PPP1R3F: variants seen among roughly 807,000 people sequenced by gnomAD.
The protein encoded by PPP1R3F is protein phosphatase 1 regulatory subunit 3F, also known as protein phosphatase 1, regulatory (inhibitor) subunit 3F.
PPP1R3F carries 29 observed loss-of-function variants against 24.2 expected under a neutral mutation model. The ratio of observed to expected loss-of-function variants is 1.20; its 90% CI spans 0.89 to 1.63. The LOEUF is 1.63. Among genes scored for constraint, PPP1R3F ranks in the 40% most tolerant of loss-of-function variants. The pLI, the probability that PPP1R3F is intolerant of heterozygous loss-of-function variation, is 0.00. For synonymous variants in PPP1R3F, 363 were observed against 340.1 expected (o/e 1.07, Z -0.74); for missense variants, 823 against 729.3 (o/e 1.13, Z -1.48).
chrX:49,281,914 T>A, intron 2 of PPP1R3F, 67 bp from the exon 3 acceptor site: 2 of 880,143 alleles, frequency 2.3e-6, no homozygotes, highest in Non-Finnish European at 3.3e-6. Flanking sequence ...GATGGCAGAT[T>A]TTCTTAACAA....
intron 3 of PPP1R3F, among the ~76,000 whole-genome samples, chrX:49,282,627 G>T (rs782399131): frequency 4.1e-4 from 45 of 109,165 alleles, no homozygotes; most frequent in Non-Finnish European, 7.0e-4. Flanking sequence ...AACATCCCAG[G>T]CGAGTGTGAA....
In PPP1R3F at chrX:49,281,406, G is replaced by T. The variant is rs1450736476; in HGVS notation, c.1005G>T (p.Arg335Ser). 3.3e-6 allele frequency: 4 copies of T among 1,204,574 alleles called. No homozygotes were observed. The highest frequency in any genetic ancestry group is 1.7e-5 in the African/African-American group (1 of 57,730). ...ATGTACTCTCTCCTCTGCCCTGCAG[G>T]CCTGCCGAGGAGGAACTGAAGACGA... ...LKSCMKPVRR[R>S]PAEEELKTKN... is the part of the protein sequence containing the mutation. The change falls in exon 2 of 4, where the codon AGG becomes AGT. Residue 335 changes from arginine to serine, a missense_variant and splice_region_variant. By Grantham distance (110) the Arg-to-Ser change is moderately radical (BLOSUM62 -1). Coordinates refer to ENST00000055335, the MANE Select transcript of PPP1R3F (RefSeq NM_033215.5).
At chrX:49,293,474 C>T (rs2066314646) in intron 3 of PPP1R3F, among the ~76,000 whole-genome samples, 1 of 111,409 alleles carries the variant, frequency 9.0e-6, no homozygotes, top group Non-Finnish European at 1.9e-5. Context: ...TGGAAACAAC[C>T]CAATTATACA....
intron 1 of PPP1R3F, among the ~76,000 whole-genome samples, chrX:49,277,172 G>A (rs1026096739): frequency 8.9e-6 from 1 of 112,914 alleles, no homozygotes; most frequent in Non-Finnish European, 1.9e-5. Context: ...TGTGACTGGC[G>A]AATCACCTTT....
rs2066160381 is a variant in PPP1R3F at position 49,269,949 on chromosome X, C to T, written c.80C>T (p.Ser27Leu). Residue 27 changes from serine (S) to leucine (L), a missense_variant, in exon 1 of 4, where the codon TCG becomes TTG. Physicochemically the swap from Ser to Leu is moderately radical, Grantham distance 145. Coordinates refer to ENST00000055335, the MANE Select transcript of PPP1R3F (RefSeq NM_033215.5). ...PSPAAGEPRT[S>L]VEAAVAPRRV... ...CCGGCCGCGGGTGAGCCCCGCACCT[C>T]GGTCGAGGCGGCGGTGGCCCCGCGG... is the stretch of plus-strand genomic sequence containing the variant. 1 of 906,043 alleles carries T rather than the reference C, an allele frequency of 1.1e-6. No individual in the cohort carries two copies. The allele number at this position is 906,043 out of a possible 1,213,427, so 74.7% of individuals were successfully genotyped here.
downstream of PPP1R3F, among the ~76,000 whole-genome samples, chrX:49,289,299 T>C (rs1557122116): frequency 9.0e-6 from 1 of 111,654 alleles, no homozygotes; most frequent in Non-Finnish European, 1.9e-5. Context: ...GTGAAAACCT[T>C]ATGTAGTAGG....
chrX:49,276,896 C>T (rs782178998), intron 1 of PPP1R3F, among the ~76,000 whole-genome samples: 3 of 112,245 alleles, frequency 2.7e-5, no homozygotes, highest in South Asian at 3.7e-4. Flanking sequence ...TTCTGAGTAT[C>T]GTGGGGCAGG....
At position 49,282,339 on chromosome X, in the gene PPP1R3F, G is replaced by T. The variant is rs1307756491; in HGVS notation, c.1143+276G>T. Among the ~76,000 whole-genome samples the T allele has an allele frequency of 2.7e-5, 3 of 111,618 alleles. No individual in the cohort carries two copies. The Admixed American group carries it at 2.9e-4, about 11-fold the overall frequency. ...AAAAACGCTCTTTGAGGGGGCTTAT[G>T]TGTTAGTAGGGTGAGACATGATAAA... is the stretch of plus-strand genomic sequence containing the variant. On this transcript the variant is annotated intron_variant, in intron 3 of 3. Coordinates refer to ENST00000055335, the MANE Select transcript of PPP1R3F (RefSeq NM_033215.5).
chrX:49,277,787 G>GT (rs1417959976), intron 1 of PPP1R3F, among the ~76,000 whole-genome samples: 6 of 112,440 alleles, frequency 5.3e-5, no homozygotes, highest in African/African-American at 1.9e-4. Flanking sequence ...TGTGTAGTCA[G>GT]TGAGTGTAGA....
At chrX:49,293,111 C>T (rs1455651419) in intron 3 of PPP1R3F, among the ~76,000 whole-genome samples, 1 of 111,356 alleles carries the variant, frequency 9.0e-6, no homozygotes, top group Non-Finnish European at 1.9e-5. Flanking sequence ...TGCCACTATT[C>T]TTTCCTGTTG....
At chrX:49,284,488 CTTTCT>C (rs2066268404) in intron 3 of PPP1R3F, among the ~76,000 whole-genome samples, 1 of 69,727 alleles carries the variant, frequency 1.4e-5, no homozygotes, top group African/African-American at 5.4e-5. Context: ...CTCTCTCTTT[CTTTCT>C]TTTTTCTTTT....
At position 49,270,650 on chromosome X, in the gene PPP1R3F, T is replaced by C; in HGVS notation, c.781T>C (p.Phe261Leu). 1.4e-5 allele frequency: 17 copies of C among 1,208,964 alleles called. No individual in the cohort carries two copies. Among genetic ancestry groups the C allele is most frequent in the Non-Finnish European group, 1.9e-5 (17 of 894,738 alleles). ...CGCGGGCGATGGGGCGCGCCTCGAC[T>C]TCGTGGTGCGCTATGAGACCCCTGA... ...EGAGDGARLD[F>L]VVRYETPEGT... Residue 261 changes from phenylalanine to leucine, a missense_variant, in exon 1 of 4, where the codon TTC (phenylalanine) becomes CTC (leucine). Transcript: ENST00000055335.
At chrX:49,274,296 A>G (rs1336604896) in intron 1 of PPP1R3F, 1 of 111,403 alleles carries the variant, frequency 9.0e-6, no homozygotes, top group Non-Finnish European at 1.9e-5. Context: ...CTTAAAAGTA[A>G]AGACCAAGAG....
chrX:49,276,449 T>C (rs998450750), intron 1 of PPP1R3F, among the ~76,000 whole-genome samples: 6 of 112,425 alleles, frequency 5.3e-5, no homozygotes, highest in African/African-American at 1.9e-4. Flanking sequence ...TTGTTCAAAA[T>C]TGCATATCCT....
In PPP1R3F at chrX:49,269,837, G is replaced by T. The variant is rs1408429053; in HGVS notation, c.-33G>T. On this transcript the variant is annotated 5_prime_UTR_variant, in exon 1 of 4. Coordinates refer to ENST00000055335, the MANE Select transcript of PPP1R3F (RefSeq NM_033215.5). ...AGGCCCTGCCCCCGCCGGTCCCGCC[G>T]CCGGTGCCGTCGGTGCCGCCGCCGC... is the stretch of plus-strand genomic sequence containing the variant. The T allele has an allele frequency of 5.8e-5, 50 of 867,232 alleles. 1 individual carries two copies. Among genetic ancestry groups the T allele is most frequent in the Non-Finnish European group, 6.8e-5 (48 of 707,600 alleles). 71.5% of individuals were successfully genotyped at this position (867,232 alleles called of 1,213,427 possible).
chrX:49,283,399 G>A (rs2147971433), intron 3 of PPP1R3F, among the ~76,000 whole-genome samples: 1 of 111,021 alleles, frequency 9.0e-6, no homozygotes, highest in South Asian at 3.8e-4. Flanking sequence ...AGTAGAGACG[G>A]GATCCGTTGC....
chrX:49,279,554 G>T (rs1374039711), intron 1 of PPP1R3F, among the ~76,000 whole-genome samples: 3 of 111,656 alleles, frequency 2.7e-5, no homozygotes, highest in Non-Finnish European at 3.8e-5. Context: ...TGTGATGGTG[G>T]GTACCTGTAA....
intron 1 of PPP1R3F, among the ~76,000 whole-genome samples, chrX:49,271,565 G>C (rs183403372): frequency 1.6e-4 from 18 of 112,529 alleles, no homozygotes; most frequent in Admixed American, 1.1e-3. Context: ...CTTTGCCAGT[G>C]GGGGGTAGAG....
In PPP1R3F at chrX:49,270,512, G is replaced by A; in HGVS notation, c.643G>A (p.Asp215Asn). 2 of 1,206,163 alleles carry A rather than the reference G, an allele frequency of 1.7e-6. No individual in the cohort carries two copies. Among genetic ancestry groups the A allele is most frequent in the Non-Finnish European group, 2.2e-6 (2 of 894,989 alleles). Residue 215 changes from aspartate (D) to asparagine (N), a missense_variant, in exon 1 of 4, where the codon GAT (aspartate) becomes AAT (asparagine). Coordinates refer to ENST00000055335, the MANE Select transcript of PPP1R3F (RefSeq NM_033215.5). ...WAGAGGTGAG[D>N]PILDPGLGLG... ...AGGAGCGGGAGGAACAGGAGCAGGA[G>A]ATCCCATCCTGGATCCGGGGCTCGG...
Sources: allele counts gnomAD v4.1 joint callset (sites outside exome capture counted in the v4.1 genomes callset), GRCh38; gene constraint gnomAD v4.1.1; transcripts MANE v1.5; gene names NCBI Gene and HGNC (gene_info 2026-07-23, HGNC 2026-07-21).